GULP1: variants seen among roughly 807,000 people sequenced by gnomAD.
The protein encoded by GULP1 is GULP PTB domain containing engulfment adaptor 1, also known as PTB domain-containing engulfment adapter protein 1.
Under a neutral mutation model 40.9 loss-of-function variants are expected in GULP1, and 19 were observed. The observed-to-expected ratio is 0.46, with a 90% CI of 0.32 to 0.68. GULP1 has a LOEUF of 0.68. Among genes scored for constraint, GULP1 ranks in the 30% least tolerant of loss-of-function variants. The probability of loss-of-function intolerance (pLI) is 0.03; values close to 1 mark genes in which losing one functional copy is unlikely to be tolerated. For missense variants in GULP1, 312 were observed against 362.2 expected, an observed-to-expected ratio of 0.86 and a Z score of 1.12; for synonymous variants, 119 against 117.6, an observed-to-expected ratio of 1.01 and a Z score of -0.08.
At chr2:188,405,357 A>G (rs1169994179) in intron 2 of GULP1, among the ~76,000 whole-genome samples, 2 of 152,120 alleles carry the variant, frequency 1.3e-5, no homozygotes, top group African/African-American at 4.8e-5. Context: ...GCTCTAGGCT[A>G]GTTCCCATGG....
At chr2:188,380,289 G>A (rs192565327) in intron 1 of GULP1, among the ~76,000 whole-genome samples, 27 of 152,146 alleles carry the variant, frequency 1.8e-4, no homozygotes, top group Admixed American at 1.5e-3. Flanking sequence ...TGTCTTAAAG[G>A]CATACTAAGG....
intron 2 of GULP1, among the ~76,000 whole-genome samples, chr2:188,396,830 G>C (rs1382829049): frequency 6.6e-6 from 1 of 152,202 alleles, no homozygotes; most frequent in East Asian, 1.9e-4. Context: ...TGTGAAGTAG[G>C]ATGAGGAATG....
At chr2:188,505,540 A>C (rs2063820460) in intron 4 of GULP1, among the ~76,000 whole-genome samples, 1 of 151,852 alleles carries the variant, frequency 6.6e-6, no homozygotes, top group Non-Finnish European at 1.5e-5. Flanking sequence ...ATAGTATTCT[A>C]TATAAATATA....
intron 2 of GULP1, among the ~76,000 whole-genome samples, chr2:188,424,949 G>A (rs1323887398): frequency 6.6e-6 from 1 of 151,892 alleles, no homozygotes; most frequent in Non-Finnish European, 1.5e-5. Flanking sequence ...ATTTTCTTTT[G>A]GCAAGTCTAT....
At chr2:188,462,159 C>T (rs1002470483) in intron 2 of GULP1, among the ~76,000 whole-genome samples, 1 of 152,042 alleles carries the variant, frequency 6.6e-6, no homozygotes, top group African/African-American at 2.4e-5. Flanking sequence ...AATTTTTCAA[C>T]TTTCTGCTTA....
intron 7 of GULP1, among the ~76,000 whole-genome samples, chr2:188,567,946 G>T (rs1424636382): frequency 6.6e-6 from 1 of 151,988 alleles, no homozygotes; most frequent in Non-Finnish European, 1.5e-5. Flanking sequence ...TTAAGTCAAT[G>T]AACATGCATA....
rs575918459 is a variant in GULP1, at chr2:188,582,404, C to T, written c.610-1861C>T. 38 of 471,544 alleles carry T rather than the reference C, an allele frequency of 8.1e-5. 2 individuals carry two copies. Among genetic ancestry groups the T allele is most frequent in the South Asian group, 5.6e-4 (36 of 64,560 alleles). 29.2% of individuals were successfully genotyped at this position (471,544 alleles called of 1,614,324 possible). A position where few individuals can be genotyped will look rare whatever the true frequency, so the allele number is the denominator to read the frequency against. On this transcript the variant is annotated intron_variant, in intron 9 of 11. Coordinates refer to ENST00000409830, the MANE Select transcript of GULP1 (RefSeq NM_016315.4). ...TCAGAGATGCTCATCCTCTTTCTGG[C>T]GTAGTAATGGTGATTCATCTCCCTG... is the stretch of plus-strand genomic sequence containing the variant.
chr2:188,519,060 TACAG>T (rs1215489658), intron 4 of GULP1, among the ~76,000 whole-genome samples: 1 of 152,158 alleles, frequency 6.6e-6, no homozygotes, highest in Non-Finnish European at 1.5e-5. Context: ...ATTAAAAAAA[TACAG>T]GAAGTATAAG....
At position 188,542,643 on chromosome 2, in the gene GULP1, G is replaced by A. The variant is rs190384482; in HGVS notation, c.399+1325G>A. 1.4e-3 allele frequency among the ~76,000 whole-genome samples: 218 copies of A among 151,796 alleles called. 1 individual carries two copies. Among genetic ancestry groups the A allele is most frequent in the African/African-American group, 4.3e-3 (177 of 41,434 alleles). On this transcript the variant is annotated intron_variant, in intron 7 of 11. Transcript: ENST00000409830. The stretch of plus-strand genomic sequence containing the variant: ...CATTTCATCAGAAAAAAGATGCTTA[G>A]CAATATAAGACAATATTTTGTGCAC...
intron 3 of GULP1, among the ~76,000 whole-genome samples, chr2:188,482,746 T>G (rs920071072): frequency 6.6e-6 from 1 of 151,338 alleles, no homozygotes. Flanking sequence ...ACTTTTAATA[T>G]ATTCTATCCT....
At chr2:188,409,245 CAAAT>C (rs765509620) in intron 2 of GULP1, among the ~76,000 whole-genome samples, 7 of 151,972 alleles carry the variant, frequency 4.6e-5, no homozygotes, top group East Asian at 1.9e-4. Flanking sequence ...CTAAAAAACT[CAAAT>C]AAAATCAGAA....
intron 2 of GULP1, among the ~76,000 whole-genome samples, chr2:188,439,711 T>C (rs1382801052): frequency 6.6e-6 from 1 of 152,134 alleles, no homozygotes; most frequent in African/African-American, 2.4e-5. Flanking sequence ...GGAATACTAA[T>C]TAGACTGTGG....
intron 7 of GULP1, among the ~76,000 whole-genome samples, chr2:188,568,190 C>T (rs559810617): frequency 4.6e-5 from 7 of 152,148 alleles, no homozygotes; most frequent in African/African-American, 1.7e-4. Flanking sequence ...AGCATGTTTT[C>T]ATTTTATGTT....
chr2:188,319,571 G>A (rs1240510810), intron 1 of GULP1, among the ~76,000 whole-genome samples: 1 of 152,122 alleles, frequency 6.6e-6, no homozygotes, highest in Non-Finnish European at 1.5e-5. Context: ...GCATCTCATA[G>A]GAATGGGAAA....
At chr2:188,580,346 G>T (rs1271832787) in intron 9 of GULP1, among the ~76,000 whole-genome samples, 2 of 152,070 alleles carry the variant, frequency 1.3e-5, no homozygotes, top group East Asian at 3.9e-4. Context: ...GAGGTCAGGA[G>T]ATCGAGACCA....
At chr2:188,344,684 G>A (rs574415500) in intron 1 of GULP1, among the ~76,000 whole-genome samples, 2 of 152,310 alleles carry the variant, frequency 1.3e-5, no homozygotes, top group East Asian at 3.9e-4. Context: ...GGGTCATCCA[G>A]TTGTGTGGCT....
At chr2:188,511,588 A>G (rs915349991) in intron 4 of GULP1, among the ~76,000 whole-genome samples, 20 of 152,264 alleles carry the variant, frequency 1.3e-4, no homozygotes, top group African/African-American at 3.8e-4. Context: ...TCTTAGTGTG[A>G]CCATGTGGTA....
intron 7 of GULP1, among the ~76,000 whole-genome samples, chr2:188,560,919 A>G (rs951297626): frequency 1.3e-5 from 2 of 152,306 alleles, no homozygotes; most frequent in Admixed American, 6.5e-5. Context: ...GTGCTAAACC[A>G]TTTATGAGAA....
chr2:188,467,258 A>G (rs1486101322), intron 2 of GULP1, among the ~76,000 whole-genome samples: 4 of 152,188 alleles, frequency 2.6e-5, no homozygotes, highest in African/African-American at 9.6e-5. Context: ...TCTTGTTGCT[A>G]TTGAGGCAAC....
Sources: gnomAD v4.1 joint callset for allele counts (sites outside exome capture counted in the v4.1 genomes callset) on GRCh38, gnomAD v4.1.1 for gene constraint, MANE v1.5 for transcripts, NCBI Gene and HGNC (gene_info 2026-07-23, HGNC 2026-07-21) for gene names.